KIFC3: variants seen among roughly 807,000 people sequenced by gnomAD.
KIFC3 encodes kinesin-like protein KIFC3.
In KIFC3, 60 loss-of-function variants were observed where a neutral mutation model predicts 101.8. The ratio of observed to expected loss-of-function variants is 0.59; its 90% CI spans 0.48 to 0.73. The LOEUF is 0.73. KIFC3 is among the 30% of genes least tolerant of loss of function. KIFC3 has a pLI of 0.00. For missense variants in KIFC3, 966 were observed against 1,137.1 expected (o/e 0.85, Z 2.16); for synonymous variants, 476 against 482.7 (o/e 0.99, Z 0.18).
chr16:57,802,877 A>T, upstream of KIFC3: 1 of 1,227,210 alleles, frequency 8.1e-7, no homozygotes, highest in South Asian at 1.3e-5. The surrounding 1 kb of genome is among the most constrained non-coding windows in gnomAD (Gnocchi z 5.0). Context: ...CTTCCACGCG[A>T]GTACTCACAC....
At chr16:57,810,690 T>G (rs782428849) in intron 1 of KIFC3, 1 of 985,420 alleles carries the variant, frequency 1.0e-6, no homozygotes, top group Non-Finnish European at 1.2e-6. Flanking sequence ...ACTTCAGCAA[T>G]GGGCTGAGGG....
chr16:57,787,924 T>C (rs1268516877), intron 3 of KIFC3, among the ~76,000 whole-genome samples: 1 of 152,206 alleles, frequency 6.6e-6, no homozygotes, highest in Non-Finnish European at 1.5e-5. Flanking sequence ...CAGCTCCTTT[T>C]TCCGTCACAC....
Position 57,771,431 on chromosome 16 carries a change from C to T in KIFC3, c.532G>A (p.Ala178Thr), listed in dbSNP as rs1180020096. The change falls in exon 6 of 20, where the codon GCC becomes ACC. Residue 178 changes from alanine to threonine, a missense_variant. Ala to Thr is a moderately conservative substitution (Grantham distance 58, BLOSUM62 0). Transcript: ENST00000445690. The part of the protein sequence containing the change: ...CPGCEHSQES[A>T]QLRDKLSQLQ... ...TGGGACAGCTTGTCACGGAGCTGGG[C>T]GCTCTCCTGCAGCCATTGGGAGGCA... 7.4e-6 allele frequency: 12 copies of T among 1,613,452 alleles called. No homozygotes were observed. Among genetic ancestry groups the T allele is most frequent in the Admixed American group, 1.7e-5 (1 of 60,010 alleles).
intron 3 of KIFC3, among the ~76,000 whole-genome samples, chr16:57,792,183 G>A (rs1035742664): frequency 4.6e-5 from 7 of 152,188 alleles, no homozygotes; most frequent in Admixed American, 1.3e-4. Context: ...GAGAACATGG[G>A]GGAGTGGTGG....
intron 13 of KIFC3, among the ~76,000 whole-genome samples, chr16:57,761,908 G>A (rs1045586321): frequency 1.3e-5 from 2 of 151,228 alleles, no homozygotes; most frequent in African/African-American, 2.4e-5. Context: ...GCCTCATCTG[G>A]TCCCTACACT....
At chr16:57,824,742 A>C (rs181377012) in intron 1 of KIFC3, among the ~76,000 whole-genome samples, 48 of 152,252 alleles carry the variant, frequency 3.2e-4, no homozygotes, top group Admixed American at 6.5e-4. Context: ...TTTGCCTGAA[A>C]TCACTACTGA....
At position 57,791,573 on chromosome 16, in the gene KIFC3, C is replaced by T. The variant is rs891067034; in HGVS notation, c.315+3426G>A. Among the ~76,000 whole-genome samples, 7 of 152,312 alleles carry T rather than the reference C, an allele frequency of 4.6e-5. No individual in the cohort carries two copies. The South Asian group carries it at 1.5e-3, about 32-fold the overall frequency. On this transcript the variant is annotated intron_variant, in intron 3 of 19. Coordinates refer to ENST00000445690, the MANE Select transcript of KIFC3 (RefSeq NM_001130100.2). The stretch of plus-strand genomic sequence containing the variant: ...GCCCCACATCTTCGACCCTGAAGCA[C>T]CTACCGCATAATGGAGCTTTGTGGG...
At position 57,758,727 on chromosome 16, in the gene KIFC3, G is replaced by C; in HGVS notation, c.*207C>G. On this transcript the variant is annotated 3_prime_UTR_variant, in exon 20 of 20. Coordinates refer to ENST00000445690, the MANE Select transcript of KIFC3 (RefSeq NM_001130100.2). ...GCAATTTGCACTCAGAGCCACAGCC[G>C]AGAGACACCGTTTCCTTCTGAACAT... The C allele has an allele frequency of 5.8e-6, 5 of 854,968 alleles. No individual in the cohort carries two copies. The highest frequency in any genetic ancestry group is 1.4e-5 in the South Asian group (1 of 72,498). The allele number at this position is 854,968 out of a possible 1,614,324, so 53.0% of individuals were successfully genotyped here.
At chr16:57,762,385 G>T in intron 12 of KIFC3, 115 bp from the exon 13 acceptor site, 2 of 1,119,976 alleles carry the variant, frequency 1.8e-6, no homozygotes, top group Non-Finnish European at 2.4e-6. Context: ...CTTGCCCAAA[G>T]CTCTTACCTA....
chr16:57,788,680 T>G, intron 3 of KIFC3: 2 of 1,289,616 alleles, frequency 1.6e-6, no homozygotes, highest in East Asian at 5.6e-5. Flanking sequence ...GTCCCCTGAC[T>G]CTGGCTCTTG....
At position 57,759,131 on chromosome 16, in the gene KIFC3, ACT is replaced by A. The variant is rs2049493427; in HGVS notation, c.*16_*17del. On this transcript the variant is annotated 3_prime_UTR_variant, in exon 19 of 20. Coordinates refer to ENST00000445690, the MANE Select transcript of KIFC3 (RefSeq NM_001130100.2). ...CCACAGGCCCCACACTCACCTAGAGACTCTGCAGCCCCAGCCGTCAGGCTGAA... is the reference window on the plus strand; with the variant it reads ...CCACAGGCCCCACACTCACCTAGAGACTGCAGCCCCAGCCGTCAGGCTGAA... 4.5e-6 allele frequency: 7 copies of A among 1,550,514 alleles called. No homozygotes were observed. The highest frequency in any genetic ancestry group is 1.4e-5 in the African/African-American group (1 of 72,992).
At chr16:57,845,855 C>T (rs1408506305) in intron 1 of KIFC3, among the ~76,000 whole-genome samples, 2 of 152,152 alleles carry the variant, frequency 1.3e-5, no homozygotes, top group East Asian at 3.8e-4. Context: ...GGGAGAGTCA[C>T]CTCTGAGAGG....
In KIFC3 at chr16:57,788,594, G is replaced by A. The variant is rs782295816; in HGVS notation, c.315+6405C>T. 1.2e-5 allele frequency: 15 copies of A among 1,288,950 alleles called. No homozygotes were observed. The African/African-American group carries it at 2.1e-4, about 18-fold the overall frequency. 79.8% of individuals were successfully genotyped at this position (1,288,950 alleles called of 1,614,324 possible). On this transcript the variant is annotated intron_variant, in intron 3 of 19. Transcript: ENST00000445690. ...CTTTACCTGTATTCTCTACATTCAT[G>A]GTGCCACCAGCTTCCCGGGCCTCCC...
chr16:57,841,821 C>T (rs1047795913), intron 1 of KIFC3, among the ~76,000 whole-genome samples: 7 of 152,292 alleles, frequency 4.6e-5, no homozygotes, highest in African/African-American at 1.7e-4. Flanking sequence ...GTCACCATGC[C>T]AGGCTCTCCC....
At chr16:57,780,326 C>T (rs111729439) in intron 3 of KIFC3, among the ~76,000 whole-genome samples, 26 of 152,186 alleles carry the variant, frequency 1.7e-4, no homozygotes, top group African/African-American at 4.3e-4. Flanking sequence ...GCCTGGCCAA[C>T]ATGGTGAAAC....
intron 6 of KIFC3, 43 bp downstream of exon 6, chr16:57,771,155 G>A (rs1555607769): frequency 6.2e-7 from 1 of 1,601,486 alleles, no homozygotes; most frequent in East Asian, 2.2e-5. Context: ...CCAGGTGCCA[G>A]GGGCCTTGGG....
chr16:57,788,685 C>T (rs536239808), intron 3 of KIFC3: 3 of 1,289,530 alleles, frequency 2.3e-6, no homozygotes, highest in South Asian at 1.2e-5. Flanking sequence ...CTGACTCTGG[C>T]TCTTGCACCC....
chr16:57,856,424 G>C (rs1386135577), intron 1 of KIFC3, among the ~76,000 whole-genome samples: 3 of 136,288 alleles, frequency 2.2e-5, no homozygotes, highest in Non-Finnish European at 4.7e-5. Context: ...AAGTTGCAGT[G>C]CATTCCAGCC....
In KIFC3 at chr16:57,762,126, C is replaced by T. The variant is rs1299200114; in HGVS notation, c.1748+14G>A. The T allele has an allele frequency of 4.4e-6, 7 of 1,586,226 alleles. No individual in the cohort carries two copies. In the Admixed American group the frequency reaches 6.8e-5, roughly 15 times the overall value. On this transcript the variant is annotated intron_variant, in intron 13 of 19. Coordinates refer to ENST00000445690, the MANE Select transcript of KIFC3 (RefSeq NM_001130100.2). ...TGCCCCTGAGGCCTGCTCCGCACAC[C>T]CTGGGGCTCCCACCTGAGGACCTCA...
Sources: allele counts gnomAD v4.1 joint callset (sites outside exome capture counted in the v4.1 genomes callset), GRCh38; gene constraint gnomAD v4.1.1; non-coding constraint Gnocchi (gnomAD v3.1); transcripts MANE v1.5; gene names NCBI Gene and HGNC (gene_info 2026-07-23, HGNC 2026-07-21).